PARD3: variants seen among roughly 807,000 people sequenced by gnomAD.
PARD3 encodes partitioning defective 3 homolog.
Under a neutral mutation model 155.4 loss-of-function variants are expected in PARD3, and 75 were observed. The ratio of observed to expected loss-of-function variants is 0.48; its 90% CI spans 0.40 to 0.58. The LOEUF (loss-of-function observed/expected upper bound fraction) is 0.58. Among genes scored for constraint, PARD3 ranks in the 20% least tolerant of loss-of-function variants. PARD3 has a pLI of 0.00. For missense variants in PARD3, 1,642 were observed against 1,721.7 expected (o/e 0.95, Z 0.82); for synonymous variants, 576 against 610.5 (o/e 0.94, Z 0.83).
chr10:34,332,256 T>C (rs1589211022), intron 18 of PARD3, among the ~76,000 whole-genome samples: 1 of 152,166 alleles, frequency 6.6e-6, no homozygotes, highest in East Asian at 1.9e-4. Context: ...TCAAAACTGA[T>C]TTCTTTAACC....
intron 1 of PARD3, among the ~76,000 whole-genome samples, chr10:34,731,933 T>C (rs1319247319): frequency 6.6e-6 from 1 of 152,196 alleles, no homozygotes; most frequent in Non-Finnish European, 1.5e-5. Context: ...TTTCTCAGAA[T>C]TGATAGGACA....
intron 4 of PARD3, among the ~76,000 whole-genome samples, chr10:34,460,409 G>A (rs375652987): frequency 6.6e-6 from 1 of 152,126 alleles, no homozygotes; most frequent in Non-Finnish European, 1.5e-5. Context: ...CCAGCCAAGA[G>A]AATTCAGCAC....
intron 22 of PARD3, among the ~76,000 whole-genome samples, chr10:34,168,140 G>T (rs1949622996): frequency 6.6e-6 from 1 of 152,166 alleles, no homozygotes; most frequent in Non-Finnish European, 1.5e-5. Context: ...GGTATCTGTT[G>T]TTGAAATAGT....
intron 3 of PARD3, among the ~76,000 whole-genome samples, chr10:34,477,116 A>C (rs902940863): frequency 6.6e-6 from 1 of 152,202 alleles, no homozygotes; most frequent in Admixed American, 6.5e-5. Context: ...GGCCTATTTC[A>C]GCATTATTAA....
intron 1 of PARD3, among the ~76,000 whole-genome samples, chr10:34,785,848 T>A (rs964322669): frequency 3.9e-5 from 6 of 152,160 alleles, no homozygotes; most frequent in African/African-American, 1.2e-4. Context: ...GAAAAAAAAA[T>A]TAATACTATA....
chr10:34,631,268 C>T (rs972705115), intron 2 of PARD3, among the ~76,000 whole-genome samples: 4 of 152,136 alleles, frequency 2.6e-5, no homozygotes, highest in African/African-American at 7.2e-5. Flanking sequence ...ATTTTCCCCT[C>T]GAAATGTGGT....
chr10:34,608,273 C>T (rs186414784), intron 2 of PARD3, among the ~76,000 whole-genome samples: 35 of 152,302 alleles, frequency 2.3e-4, no homozygotes, highest in Middle Eastern at 6.8e-3. Flanking sequence ...ATTTCTGCCT[C>T]GCTCTTCCAC....
intron 22 of PARD3, among the ~76,000 whole-genome samples, chr10:34,179,349 G>A (rs572487444): frequency 2.0e-4 from 31 of 152,260 alleles, no homozygotes; most frequent in African/African-American, 7.0e-4. Flanking sequence ...CCAAATACCC[G>A]TGGATAAACT....
chr10:34,413,897 C>T (rs184669512), intron 5 of PARD3, among the ~76,000 whole-genome samples: 217 of 152,234 alleles, frequency 1.4e-3, no homozygotes, highest in African/African-American at 5.1e-3. Context: ...AATAACATTG[C>T]AAATGTCAAA....
intron 2 of PARD3, among the ~76,000 whole-genome samples, chr10:34,625,112 T>C (rs572009155): frequency 6.6e-6 from 1 of 152,332 alleles, no homozygotes; most frequent in South Asian, 2.1e-4. Flanking sequence ...CAGTCCCCAA[T>C]GTTGTCAAGG....
intron 3 of PARD3, among the ~76,000 whole-genome samples, chr10:34,480,775 C>T (rs1270462605): frequency 1.6e-4 from 24 of 148,712 alleles, no homozygotes; most frequent in African/African-American, 5.9e-4. Context: ...TACAGGGGTA[C>T]ATCTGCAGGT....
intron 1 of PARD3, among the ~76,000 whole-genome samples, chr10:34,761,021 G>A (rs117697398): frequency 0.013 from 1,958 of 152,078 alleles, 20 homozygotes; most frequent in Non-Finnish European, 0.02. Flanking sequence ...ATATGATCCT[G>A]TCACAGAACA....
chr10:34,746,034 G>A (rs35355141), intron 1 of PARD3, among the ~76,000 whole-genome samples: 53,216 of 151,914 alleles, frequency 0.35, 10,632 homozygotes, highest in Non-Finnish European at 0.45. Flanking sequence ...TCCAGGAGGC[G>A]GAGCCTGCAG....
intron 20 of PARD3, among the ~76,000 whole-genome samples, chr10:34,291,347 G>T (rs1956667394): frequency 6.6e-6 from 1 of 152,124 alleles, no homozygotes. Context: ...GGTCTTAATT[G>T]GTCTGAACTT....
At chr10:34,356,631 G>A (rs1040184207) in intron 14 of PARD3, among the ~76,000 whole-genome samples, 1 of 152,160 alleles carries the variant, frequency 6.6e-6, no homozygotes, top group Non-Finnish European at 1.5e-5. Flanking sequence ...ATTTGTTCAG[G>A]ACAGCAGGAT....
At chr10:34,660,097 G>A (rs2093282468) in intron 2 of PARD3, among the ~76,000 whole-genome samples, 2 of 152,056 alleles carry the variant, frequency 1.3e-5, no homozygotes, top group Non-Finnish European at 2.9e-5. Context: ...CTCTATTGTT[G>A]AAATAACCCA....
chr10:34,692,241 A>G (rs868665029), intron 2 of PARD3, among the ~76,000 whole-genome samples: 2,876 of 152,194 alleles, frequency 0.019, 97 homozygotes, highest in African/African-American at 0.066. Context: ...TCAAAAAAAA[A>G]AAAAAAATCA....
chr10:34,347,962 C>T lies in PARD3; in HGVS notation c.2218+3G>A, dbSNP rs1377707109. The T allele has an allele frequency of 6.2e-7, 1 of 1,606,928 alleles. No individual in the cohort carries two copies. The highest frequency in any genetic ancestry group is 2.2e-5 in the East Asian group (1 of 44,680). ...GTGATAAACAGAGTTTTACCTGACT[C>T]ACCCATTATCCTACTGAGGGCAGCA... On this transcript the variant is annotated splice_donor_region_variant and intron_variant, in intron 15 of 24. Transcript: ENST00000374788.
intron 23 of PARD3, among the ~76,000 whole-genome samples, chr10:34,125,361 G>A (rs921944077): frequency 6.6e-6 from 1 of 152,086 alleles, no homozygotes; most frequent in African/African-American, 2.4e-5. Flanking sequence ...CACCGTGCCC[G>A]GCCCTCCAGG....
Sources: gnomAD v4.1 joint callset for allele counts (sites outside exome capture counted in the v4.1 genomes callset) on GRCh38, gnomAD v4.1.1 for gene constraint, MANE v1.5 for transcripts, NCBI Gene and HGNC (gene_info 2026-07-23, HGNC 2026-07-21) for gene names.